Variants in GUCY1A2 observed in about 807,000 individuals in gnomAD.
GUCY1A2 encodes guanylate cyclase 1 soluble subunit alpha 2.
In GUCY1A2, 27 loss-of-function variants were observed where a neutral mutation model predicts 63.5. The observed-to-expected ratio is 0.43, with a 90% confidence interval of 0.31 to 0.59. The LOEUF is 0.59. Ranked by LOEUF, GUCY1A2 falls within the 20% of genes least tolerant of loss-of-function variation. The pLI is 0.11. For missense variants in GUCY1A2, 768 were observed against 913.3 expected, an observed-to-expected ratio of 0.84 and a Z score of 2.05; for synonymous variants, 364 against 343.5, an observed-to-expected ratio of 1.06 and a Z score of -0.66.
chr11:106,714,447 G>T (rs1409190941), intron 6 of GUCY1A2, among the ~76,000 whole-genome samples: 1 of 152,134 alleles, frequency 6.6e-6, no homozygotes, highest in Non-Finnish European at 1.5e-5. Context: ...AGATTTCCCA[G>T]GAATTGTTGC....
chr11:106,797,741 C>G (rs1034333213), intron 5 of GUCY1A2, among the ~76,000 whole-genome samples: 2 of 152,116 alleles, frequency 1.3e-5, no homozygotes, highest in Admixed American at 1.3e-4. Flanking sequence ...CACAACAAAC[C>G]AGCATCTCTG....
intron 6 of GUCY1A2, among the ~76,000 whole-genome samples, chr11:106,757,312 A>G (rs981742731): frequency 6.6e-6 from 1 of 152,068 alleles, no homozygotes; most frequent in Admixed American, 6.6e-5. Context: ...TTTAGCTCGG[A>G]GAAGTTTGTT....
chr11:106,839,837 C>G (rs1374946801), intron 4 of GUCY1A2, among the ~76,000 whole-genome samples: 1 of 127,714 alleles, frequency 7.8e-6, no homozygotes, highest in Non-Finnish European at 1.5e-5. Flanking sequence ...GGAAGGGGAA[C>G]ATCACACACC....
At chr11:106,936,993 A>C (rs1860687613) in intron 4 of GUCY1A2, among the ~76,000 whole-genome samples, 1 of 152,122 alleles carries the variant, frequency 6.6e-6, no homozygotes. Context: ...TCTTCTTTCC[A>C]TGTTTTAATA....
At chr11:106,930,317 G>A (rs1860583710) in intron 4 of GUCY1A2, among the ~76,000 whole-genome samples, 1 of 152,188 alleles carries the variant, frequency 6.6e-6, no homozygotes, top group Admixed American at 6.5e-5. Flanking sequence ...GGGAAGTCCT[G>A]CTACAGAGAC....
chr11:106,841,476 T>C (rs1341535021), intron 4 of GUCY1A2, among the ~76,000 whole-genome samples: 1 of 151,938 alleles, frequency 6.6e-6, no homozygotes, highest in Admixed American at 6.6e-5. Context: ...TTGCCTGGTA[T>C]ATAGCAGGTG....
intron 7 of GUCY1A2, among the ~76,000 whole-genome samples, chr11:106,691,165 C>T (rs960515357): frequency 1.3e-5 from 2 of 152,042 alleles, no homozygotes; most frequent in Admixed American, 6.6e-5. Context: ...GTGGTTATGA[C>T]ATTGTAAATA....
intron 1 of GUCY1A2, among the ~76,000 whole-genome samples, chr11:107,016,884 G>C (rs1247983241): frequency 6.6e-6 from 1 of 152,180 alleles, no homozygotes; most frequent in Non-Finnish European, 1.5e-5. Flanking sequence ...AGGTACAGGT[G>C]CAAGAAGTAC....
intron 4 of GUCY1A2, among the ~76,000 whole-genome samples, chr11:106,877,791 T>C (rs1859770086): frequency 6.6e-6 from 1 of 152,090 alleles, no homozygotes; most frequent in African/African-American, 2.4e-5. Context: ...ATAATTACAC[T>C]GAAGAGCTTC....
intron 4 of GUCY1A2, among the ~76,000 whole-genome samples, chr11:106,902,106 T>C (rs1860142400): frequency 1.3e-5 from 2 of 152,204 alleles, no homozygotes; most frequent in Non-Finnish European, 2.9e-5. Flanking sequence ...GCTATATAAA[T>C]GATGTTATGT....
intron 6 of GUCY1A2, among the ~76,000 whole-genome samples, chr11:106,716,768 C>CAAAA (rs56999589): frequency 1.6e-4 from 9 of 55,298 alleles, no homozygotes; most frequent in African/African-American, 4.8e-4. Context: ...GACTCCGTCT[C>CAAAA]AAAAAAAAAA....
intron 2 of GUCY1A2, among the ~76,000 whole-genome samples, chr11:106,981,084 T>A (rs1397648837): frequency 6.6e-6 from 1 of 152,252 alleles, no homozygotes; most frequent in Non-Finnish European, 1.5e-5. Context: ...TATTAGCTTT[T>A]GTCTAATTTG....
intron 1 of GUCY1A2, among the ~76,000 whole-genome samples, chr11:107,007,673 T>A (rs965683569): frequency 3.3e-5 from 5 of 152,170 alleles, no homozygotes; most frequent in Admixed American, 3.3e-4. Flanking sequence ...TCTTCCCCAA[T>A]CTTTAAACAA....
intron 3 of GUCY1A2, among the ~76,000 whole-genome samples, chr11:106,957,729 T>C (rs923926236): frequency 3.3e-5 from 5 of 151,756 alleles, no homozygotes; most frequent in Non-Finnish European, 1.5e-5. Flanking sequence ...TCGGCCATCT[T>C]GGCCCCGCCT....
intron 4 of GUCY1A2, among the ~76,000 whole-genome samples, chr11:106,910,723 C>T (rs1259286316): frequency 6.6e-6 from 1 of 152,074 alleles, no homozygotes; most frequent in Non-Finnish European, 1.5e-5. Flanking sequence ...CTTAGACCCA[C>T]GAAGTCATAC....
chr11:106,766,929 A>G (rs999535252), intron 6 of GUCY1A2, among the ~76,000 whole-genome samples: 1 of 152,098 alleles, frequency 6.6e-6, no homozygotes, highest in Non-Finnish European at 1.5e-5. Context: ...TACCAGGGAA[A>G]AAATATTGGC....
intron 4 of GUCY1A2, among the ~76,000 whole-genome samples, chr11:106,832,311 T>A (rs536559547): frequency 6.6e-6 from 1 of 152,288 alleles, no homozygotes; most frequent in African/African-American, 2.4e-5. Context: ...ATACATTATT[T>A]GAGAAAATAT....
chr11:107,015,755 C>T (rs1381578344), intron 1 of GUCY1A2, among the ~76,000 whole-genome samples: 2 of 152,026 alleles, frequency 1.3e-5, no homozygotes, highest in South Asian at 2.1e-4. Flanking sequence ...GGTCATTGGA[C>T]TCCTGTTGTA....
chr11:106,770,198 CAACCTATGGACATCCTACCACA>C (rs1397182689), intron 6 of GUCY1A2, among the ~76,000 whole-genome samples: 1 of 152,080 alleles, frequency 6.6e-6, no homozygotes, highest in Non-Finnish European at 1.5e-5. Flanking sequence ...TACATGCATA[CAACCTATGGACATCCTACCACA>C]TTCTTTAAAT....
Sources: gnomAD v4.1 joint callset for allele counts (sites outside exome capture counted in the v4.1 genomes callset) on GRCh38, gnomAD v4.1.1 for gene constraint, MANE v1.5 for transcripts, NCBI Gene and HGNC (gene_info 2026-07-23, HGNC 2026-07-21) for gene names.